Variants in CAMK1D observed in about 807,000 individuals in gnomAD.
CAMK1D encodes the protein calcium/calmodulin dependent protein kinase ID.
Under a neutral mutation model 47.7 loss-of-function variants are expected in CAMK1D, and 9 were observed. That is an observed-to-expected ratio of 0.19 (90% CI 0.11 to 0.33). The LOEUF (loss-of-function observed/expected upper bound fraction) is 0.33, where lower values mean the gene tolerates loss of function less well. Among genes scored for constraint, CAMK1D ranks in the 10% least tolerant of loss-of-function variants. The pLI, the probability that CAMK1D is intolerant of heterozygous loss-of-function variation, is 1.00. For synonymous variants in CAMK1D, 184 were observed against 184.9 expected, an observed-to-expected ratio of 0.99 and a Z score of 0.04; for missense variants, 291 against 488.7, an observed-to-expected ratio of 0.60 and a Z score of 3.81.
rs1041726579 is a variant in CAMK1D at position 12,834,069 on chromosome 10, T to C, written c.*5182T>C. The C allele has an allele frequency of 1.3e-5, 2 of 152,190 alleles. No individual in the cohort carries two copies. Among genetic ancestry groups the C allele is most frequent in the African/African-American group, 4.8e-5 (2 of 41,456 alleles). The allele number at this position is 152,190 out of a possible 1,614,324, so 9.4% of individuals were successfully genotyped here. On this transcript the variant is annotated 3_prime_UTR_variant, in exon 11 of 11. Transcript: ENST00000619168. ...ATGTTCAGAATTGAAAATGTGGAGA[T>C]AGAAAAGCTCAAACAGACTCCTAAA... is the stretch of plus-strand genomic sequence containing the variant.
At chr10:12,727,477 A>G (rs1834696338) in intron 3 of CAMK1D, among the ~76,000 whole-genome samples, 1 of 152,236 alleles carries the variant, frequency 6.6e-6, no homozygotes, top group Non-Finnish European at 1.5e-5. Flanking sequence ...AATAGTGTGC[A>G]CTGGGCCACG....
chr10:12,502,916 G>A (rs1269832628), intron 1 of CAMK1D, among the ~76,000 whole-genome samples: 1 of 152,226 alleles, frequency 6.6e-6, no homozygotes, highest in Non-Finnish European at 1.5e-5. Flanking sequence ...TGCCAGTCCA[G>A]TGTTGCCTTC....
chr10:12,573,830 A>ATTTTTTTTT (rs1588648909), intron 2 of CAMK1D, among the ~76,000 whole-genome samples: 3 of 46,154 alleles, frequency 6.5e-5, no homozygotes, highest in African/African-American at 2.2e-4. Context: ...TATTAAAAAA[A>ATTTTTTTTT]CTTTTTTTTT....
At chr10:12,741,171 G>T (rs192833041) in intron 3 of CAMK1D, among the ~76,000 whole-genome samples, 1 of 152,210 alleles carries the variant, frequency 6.6e-6, no homozygotes, top group Non-Finnish European at 1.5e-5. Flanking sequence ...TGAAGGAAAC[G>T]CATGGATTCT....
chr10:12,800,211 C>T (rs531995990), intron 6 of CAMK1D, among the ~76,000 whole-genome samples: 14 of 152,280 alleles, frequency 9.2e-5, no homozygotes, highest in African/African-American at 2.6e-4. Flanking sequence ...CATTGGATTA[C>T]GTTTTTATAA....
chr10:12,578,744 C>G (rs941181009), intron 2 of CAMK1D: 3 of 153,830 alleles, frequency 2.0e-5, no homozygotes, highest in Non-Finnish European at 2.9e-5. Context: ...GCTGAGAAAC[C>G]TGACCATTGC....
intron 1 of CAMK1D, among the ~76,000 whole-genome samples, chr10:12,442,293 A>G (rs1482342339): frequency 6.6e-6 from 1 of 152,194 alleles, no homozygotes; most frequent in East Asian, 1.9e-4. Context: ...CATCCTGGCT[A>G]ACATGGTGAA....
chr10:12,660,819 A>G (rs10508445), intron 2 of CAMK1D, among the ~76,000 whole-genome samples: 67,213 of 152,106 alleles, frequency 0.44, 15,386 homozygotes, highest in Non-Finnish European at 0.48. Context: ...ATGGCTTTGA[A>G]TTACGCACAT....
chr10:12,599,114 C>T (rs1838228975), intron 2 of CAMK1D, among the ~76,000 whole-genome samples: 2 of 152,156 alleles, frequency 1.3e-5, no homozygotes. Context: ...CAGCCAATAA[C>T]TCGCATATAA....
At chr10:12,538,837 AG>A (rs1025412994) in intron 1 of CAMK1D, among the ~76,000 whole-genome samples, 1 of 110,884 alleles carries the variant, frequency 9.0e-6, no homozygotes, top group African/African-American at 3.5e-5. Flanking sequence ...GTGGTGGGGG[AG>A]GGGGGCAGTG....
chr10:12,355,558 AT>A (rs1246897746), intron 1 of CAMK1D, among the ~76,000 whole-genome samples: 4 of 151,746 alleles, frequency 2.6e-5, no homozygotes, highest in Non-Finnish European at 5.9e-5. Context: ...TGACTGGTGA[AT>A]TTCATAGTTG....
At chr10:12,744,163 C>T (rs1375029376) in intron 3 of CAMK1D, among the ~76,000 whole-genome samples, 4 of 152,042 alleles carry the variant, frequency 2.6e-5, no homozygotes, top group African/African-American at 9.7e-5. Context: ...ATCAGTACTG[C>T]GTTTCTTTTT....
intron 3 of CAMK1D, among the ~76,000 whole-genome samples, chr10:12,738,359 T>C (rs907956711): frequency 1.6e-4 from 25 of 152,324 alleles, no homozygotes; most frequent in East Asian, 1.3e-3. Context: ...GATTCTCTGT[T>C]AGACTGTTGG....
intron 10 of CAMK1D, among the ~76,000 whole-genome samples, chr10:12,827,006 T>C (rs1331981034): frequency 6.6e-6 from 1 of 152,250 alleles, no homozygotes; most frequent in African/African-American, 2.4e-5. Context: ...TTTTGATGCC[T>C]GCACATCCTC....
intron 3 of CAMK1D, among the ~76,000 whole-genome samples, chr10:12,732,178 T>G (rs909754597): frequency 6.6e-6 from 1 of 151,780 alleles, no homozygotes; most frequent in African/African-American, 2.4e-5. Flanking sequence ...GAGGCGGAGG[T>G]TGCAGTGAGC....
intron 1 of CAMK1D, among the ~76,000 whole-genome samples, chr10:12,489,940 G>C (rs573395563): frequency 2.0e-5 from 3 of 152,314 alleles, no homozygotes; most frequent in African/African-American, 7.2e-5. Flanking sequence ...CGAGAGGAAT[G>C]TGTTGCTGGA....
intron 1 of CAMK1D, among the ~76,000 whole-genome samples, chr10:12,424,214 G>A (rs1840150879): frequency 6.6e-6 from 1 of 152,038 alleles, no homozygotes; most frequent in Non-Finnish European, 1.5e-5. Context: ...AAGTCAGCAA[G>A]CCCAGTGTGA....
At chr10:12,825,281 A>G (rs1295213640) in intron 9 of CAMK1D, among the ~76,000 whole-genome samples, 8 of 135,642 alleles carry the variant, frequency 5.9e-5, no homozygotes. Flanking sequence ...CTTTTATTCT[A>G]AAGGCCACAT....
At chr10:12,739,442 ATTTTTTTTTT>A (rs1186963710) in intron 3 of CAMK1D, among the ~76,000 whole-genome samples, 42 of 127,730 alleles carry the variant, frequency 3.3e-4, no homozygotes, top group Admixed American at 4.8e-4. Flanking sequence ...CACCCGGCTA[ATTTTTTTTTT>A]TTTTTTTTTT....
Sources: allele counts gnomAD v4.1 joint callset (sites outside exome capture counted in the v4.1 genomes callset), GRCh38; gene constraint gnomAD v4.1.1; transcripts MANE v1.5; gene names NCBI Gene and HGNC (gene_info 2026-07-23, HGNC 2026-07-21).